Variants in PSMB8 observed in about 807,000 individuals in gnomAD.
The protein encoded by PSMB8 is proteasome subunit beta type-8.
Under a neutral mutation model 32.3 loss-of-function variants are expected in PSMB8, and 20 were observed. That is an observed-to-expected ratio of 0.62 (90% CI 0.44 to 0.90). The LOEUF is 0.90. Ranked by LOEUF, PSMB8 falls within the 40% of genes least tolerant of loss-of-function variation. The pLI is 0.00. For synonymous variants in PSMB8, 131 were observed against 135.4 expected (o/e 0.97, Z 0.23); for missense variants, 342 against 365.4 (o/e 0.94, Z 0.52).
chr6:32,841,375 C>A (rs1281397674), intron 5 of PSMB8, among the ~76,000 whole-genome samples, 156 bp downstream of exon 5: 1 of 152,174 alleles, frequency 6.6e-6, no homozygotes, highest in Admixed American at 6.5e-5. Flanking sequence ...GTAGCTGGGA[C>A]TACAGGCACC....
In PSMB8 at chr6:32,841,542, CCTCCAGAATAG is replaced by C. The variant is rs1769902298; in HGVS notation, c.720_730del (p.Ser240ArgfsTer23). The stretch of plus-strand genomic sequence containing the variant: ...CATTGGTCTCTTACTATTGACAACG[CCTCCAGAATAG>C]CTGTCTCTGTGAGTGGCATAAGCAA... On this transcript the variant is annotated frameshift_variant, in exon 5 of 6. Transcript: ENST00000374882. LOFTEE classifies it high-confidence loss of function. The C allele has an allele frequency of 6.2e-7, 1 of 1,612,210 alleles. No homozygotes were observed. The highest frequency in any genetic ancestry group is 1.7e-5 in the Admixed American group (1 of 60,008).
Position 32,840,997 on chromosome 6 carries a change from T to C in PSMB8, c.793A>G (p.Ser265Gly). ...TCCCGGTACTGGTGCAGCAGGTCACTGACATCTGTACTTTCTACTTTCACC... is the reference window on the plus strand; with the variant it reads ...TCCCGGTACTGGTGCAGCAGGTCACCGACATCTGTACTTTCTACTTTCACC... ...GWVKVESTDV[S>G]DLLHQYREAN... The change falls in exon 6 of 6, where the codon AGT (serine) becomes GGT (glycine). Residue 265 changes from serine to glycine, a missense_variant. By Grantham distance (56) the Ser-to-Gly change is moderately conservative (BLOSUM62 0). Coordinates refer to ENST00000374882, the MANE Select transcript of PSMB8 (RefSeq NM_148919.4). 6.2e-7 allele frequency: 1 copy of C among 1,613,906 alleles called. No homozygotes were observed. Among genetic ancestry groups the C allele is most frequent in the Non-Finnish European group, 8.5e-7 (1 of 1,179,766 alleles).
rs1769997640 is a variant in PSMB8 at position 32,842,748 on chromosome 6, G to A, written c.331C>T (p.Pro111Ser). ...LRVNKVIEIN[P>S]YLLGTMSGCA... ...CCAGACATGGTGCCAAGCAGGTAAGGGTTAATCTCAATCACCTTGTTCACC... is the reference window on the plus strand; with the variant it reads ...CCAGACATGGTGCCAAGCAGGTAAGAGTTAATCTCAATCACCTTGTTCACC... The change falls in exon 3 of 6, where the codon CCT becomes TCT. Residue 111 changes from proline (P) to serine (S), a missense_variant. Transcript: ENST00000374882. 2.5e-6 allele frequency: 4 copies of A among 1,614,212 alleles called. No homozygotes were observed. In the East Asian group the frequency reaches 8.9e-5, roughly 36 times the overall value.
At chr6:32,842,447 C>T (rs569916901) in intron 3 of PSMB8, among the ~76,000 whole-genome samples, 184 bp from the exon 4 acceptor site, 4 of 152,298 alleles carry the variant, frequency 2.6e-5, no homozygotes, top group African/African-American at 7.2e-5. Flanking sequence ...GATACTGTCC[C>T]GCCAGGGTGG....
upstream of PSMB8, chr6:32,844,375 G>A: frequency 6.2e-7 from 1 of 1,614,014 alleles, no homozygotes. Flanking sequence ...GCCAGGAGCT[G>A]GGAGTAGTGT....
chr6:32,844,192 T>TG, upstream of PSMB8: 1 of 1,559,054 alleles, frequency 6.4e-7, no homozygotes, highest in Non-Finnish European at 8.7e-7. Context: ...GTCGGGGGAA[T>TG]GATGGGTCAA....
chr6:32,842,404 G>A, intron 3 of PSMB8, 141 bp from the exon 4 acceptor site: 1 of 1,256,424 alleles, frequency 8.0e-7, no homozygotes, highest in Non-Finnish European at 1.1e-6. Context: ...GGAATTTAAA[G>A]TATCTGAAAC....
chr6:32,842,388 A>G, intron 3 of PSMB8, 125 bp from the exon 4 acceptor site: 1 of 1,335,914 alleles, frequency 7.5e-7, no homozygotes. Context: ...GATCAGAGAA[A>G]GATTTGGAAT....
At chr6:32,843,112 G>A (rs748033307) in intron 1 of PSMB8, 23 bp from the exon 2 acceptor site, 2 of 1,612,678 alleles carry the variant, frequency 1.2e-6, no homozygotes, top group African/African-American at 2.7e-5. Context: ...AAGAGGTTGA[G>A]AAAGGCAATG....
chr6:32,842,675 C>A lies in PSMB8; in HGVS notation c.404G>T (p.Cys135Phe), dbSNP rs1428323014. 1 of 1,613,260 alleles carries A rather than the reference C, an allele frequency of 6.2e-7. No individual in the cohort carries two copies. The highest frequency in any genetic ancestry group is 1.3e-5 in the African/African-American group (1 of 74,926). The part of the protein sequence containing the change: ...QYWERLLAKE[C>F]RLYYLRNGER... Reference sequence around the variant, plus strand: ...GAAGATGAGAGGCCTCGCTTACCTGCATTCCTTGGCCAGCAGGCGCTCCCA... The same window carrying A: ...GAAGATGAGAGGCCTCGCTTACCTGAATTCCTTGGCCAGCAGGCGCTCCCA... The change falls in exon 3 of 6, where the codon TGC (cysteine) becomes TTC (phenylalanine). Residue 135 changes from cysteine (C) to phenylalanine (F), a missense_variant. By Grantham distance (205) the Cys-to-Phe change is radical. Transcript: ENST00000374882.
chr6:32,841,134 A>T, intron 5 of PSMB8, 87 bp from the exon 6 acceptor site: 1 of 1,155,164 alleles, frequency 8.7e-7, no homozygotes, highest in Non-Finnish European at 1.3e-6. Flanking sequence ...CAGCAACAAG[A>T]CACATGCGCA....
upstream of PSMB8, chr6:32,844,451 G>T: frequency 6.2e-7 from 1 of 1,611,744 alleles, no homozygotes; most frequent in Non-Finnish European, 8.5e-7. Flanking sequence ...GTGCGAGGGG[G>T]CAGAGTCTTG....
chr6:32,840,866 A>C lies in PSMB8; in HGVS notation c.*93T>G. On this transcript the variant is annotated 3_prime_UTR_variant, in exon 6 of 6. Coordinates refer to ENST00000374882, the MANE Select transcript of PSMB8 (RefSeq NM_148919.4). ...CCGTACTCTCTCTTTGGCTCAGGCT[A>C]GGCCTCTTCTTCTCCTTGGACTTAA... 1.9e-6 allele frequency: 2 copies of C among 1,066,472 alleles called. No homozygotes were observed. The highest frequency in any genetic ancestry group is 2.9e-6 in the Non-Finnish European group (2 of 688,802). The allele number at this position is 1,066,472 out of a possible 1,614,324, so 66.1% of individuals were successfully genotyped here.
intron 5 of PSMB8, 59 bp downstream of exon 5, chr6:32,841,472 C>A (rs1769893413): frequency 1.3e-5 from 18 of 1,439,306 alleles, no homozygotes; most frequent in Admixed American, 1.7e-5. Context: ...TCTTAAATCA[C>A]CCCCCCCACC....
rs761102255 is a variant in PSMB8 at position 32,843,918 on chromosome 6, G to A, written c.79C>T (p.Arg27Cys). 1 of 1,612,634 alleles carries A rather than the reference G, an allele frequency of 6.2e-7. No individual in the cohort carries two copies. Among genetic ancestry groups the A allele is most frequent in the Admixed American group, 1.7e-5 (1 of 59,994 alleles). Residue 27 changes from arginine (R) to cysteine (C), a missense_variant, in exon 1 of 6, where the codon CGC (arginine) becomes TGC (cysteine). Physicochemically the swap from Arg to Cys is radical, Grantham distance 180. Transcript: ENST00000374882. The stretch of plus-strand genomic sequence containing the variant: ...AAACTGTAGTGTCCTGGGTCCGAGC[G>A]ACGCCCGCTTCCCGCAACCGGGAGA... ...SALPVAGSGR[R>C]SDPGHYSFSM...
chr6:32,841,097 T>C (rs1444954741), intron 5 of PSMB8, 50 bp from the exon 6 acceptor site: 2 of 1,450,160 alleles, frequency 1.4e-6, no homozygotes, highest in South Asian at 1.1e-5. Context: ...CCTCAGCAAG[T>C]TCCTGTCACT....
At chr6:32,841,428 G>A in intron 5 of PSMB8, 103 bp downstream of exon 5, 1 of 1,208,026 alleles carries the variant, frequency 8.3e-7, no homozygotes, top group African/African-American at 1.5e-5. Context: ...AGTAGAGACG[G>A]GGTTTCGCCA....
At chr6:32,841,793 G>C (rs1769924768) in intron 4 of PSMB8, 58 bp from the exon 5 acceptor site, 3 of 1,468,044 alleles carry the variant, frequency 2.0e-6, no homozygotes, top group Admixed American at 3.3e-5. Flanking sequence ...TAACATGGGG[G>C]TTCAAATATG....
At chr6:32,844,092 T>C, upstream of PSMB8, 1 of 1,539,154 alleles carries the variant, frequency 6.5e-7, no homozygotes, top group Non-Finnish European at 8.8e-7. Context: ...CTTTTCCACA[T>C]CCCCCTGCCT....
Sources: gnomAD v4.1 joint callset for allele counts (sites outside exome capture counted in the v4.1 genomes callset) on GRCh38, gnomAD v4.1.1 for gene constraint, MANE v1.5 for transcripts, NCBI Gene and HGNC (gene_info 2026-07-23, HGNC 2026-07-21) for gene names.